The following PIAS2 variants were observed in gnomAD, a reference collection of about 807,000 sequenced individuals.
PIAS2 encodes E3 SUMO-protein ligase PIAS2.
Under a neutral mutation model 69.7 loss-of-function variants are expected in PIAS2, and 19 were observed. That is an observed-to-expected ratio of 0.27 (90% confidence interval 0.19 to 0.40). The LOEUF (loss-of-function observed/expected upper bound fraction) is 0.40, where lower values mean the gene tolerates loss of function less well. PIAS2 is among the 10% of genes least tolerant of loss of function. The pLI is 1.00. For missense variants in PIAS2, 624 were observed against 757.0 expected, an observed-to-expected ratio of 0.82 and a Z score of 2.06; for synonymous variants, 261 against 263.2, an observed-to-expected ratio of 0.99 and a Z score of 0.08.
intron 8 of PIAS2, among the ~76,000 whole-genome samples, chr18:46,842,831 C>A (rs1256317924): frequency 6.6e-6 from 1 of 152,172 alleles, no homozygotes; most frequent in East Asian, 1.9e-4. Flanking sequence ...TGGAACTGCA[C>A]ACCTCTTCCC....
rs2040880633 is a variant in PIAS2 at position 46,809,703 on chromosome 18, C to T, written c.*2730G>A. The stretch of plus-strand genomic sequence containing the variant: ...CCTGTAGGTGGAGGTTGCGGTGAGC[C>T]AAGATCGCACCATTGCACTCCATCC... On this transcript the variant is annotated 3_prime_UTR_variant, in exon 14 of 14. Coordinates refer to ENST00000585916, the MANE Select transcript of PIAS2 (RefSeq NM_004671.5). 6.8e-6 allele frequency: 1 copy of T among 146,674 alleles called. No homozygotes were observed. Among genetic ancestry groups the T allele is most frequent in the Non-Finnish European group, 1.5e-5 (1 of 67,406 alleles). 9.1% of individuals were successfully genotyped at this position (146,674 alleles called of 1,614,324 possible).
At chr18:46,902,243 A>G (rs907252309) in intron 1 of PIAS2, among the ~76,000 whole-genome samples, 2 of 123,414 alleles carry the variant, frequency 1.6e-5, no homozygotes, top group African/African-American at 3.0e-5. Flanking sequence ...CAAAACACTG[A>G]AAAAAAAAAA....
intron 5 of PIAS2, among the ~76,000 whole-genome samples, chr18:46,847,517 T>C (rs1227854693): frequency 6.6e-6 from 1 of 151,484 alleles, no homozygotes; most frequent in Non-Finnish European, 1.5e-5. Context: ...AGTCTGGCTC[T>C]GTCGCCCAGG....
chr18:46,816,975 A>C, intron 12 of PIAS2: 1 of 938,720 alleles, frequency 1.1e-6, no homozygotes, highest in East Asian at 1.2e-4. Context: ...ACAATTCAAA[A>C]TTTGTCTAGC....
intron 5 of PIAS2, among the ~76,000 whole-genome samples, chr18:46,848,363 C>G (rs1196510182): frequency 6.6e-6 from 1 of 152,134 alleles, no homozygotes; most frequent in Non-Finnish European, 1.5e-5. Context: ...AACTGAAAAG[C>G]CAGGGAGTAC....
intron 11 of PIAS2, among the ~76,000 whole-genome samples, chr18:46,821,712 T>C (rs907250912): frequency 6.6e-6 from 1 of 152,144 alleles, no homozygotes; most frequent in African/African-American, 2.4e-5. Flanking sequence ...ACCTACCAGG[T>C]AGGTGAAATC....
At chr18:46,915,434 GC>G (rs1484698467) in intron 1 of PIAS2, 2 of 152,120 alleles carry the variant, frequency 1.3e-5, no homozygotes, top group Non-Finnish European at 2.9e-5. Flanking sequence ...TACTGCATGT[GC>G]CCAGCCTGCA....
intron 1 of PIAS2, among the ~76,000 whole-genome samples, chr18:46,912,897 A>G (rs968217022): frequency 1.7e-4 from 26 of 152,322 alleles, no homozygotes; most frequent in Non-Finnish European, 3.4e-4. Flanking sequence ...AATGGAAATG[A>G]GAGAATAAAA....
At chr18:46,891,640 T>C (rs1466291277) in intron 1 of PIAS2, 4 of 939,772 alleles carry the variant, frequency 4.3e-6, no homozygotes. Context: ...AAAAATCACA[T>C]ACATCTTATT....
rs547417390 is a variant in PIAS2, at chr18:46,846,229, A to G, written c.861+478T>C. ...CTTGAAGGTATAGAGAAAATATTAT[A>G]ATTCTAAGTAAATATTTTTATACAA... On this transcript the variant is annotated intron_variant, in intron 6 of 13. Coordinates refer to ENST00000585916, the MANE Select transcript of PIAS2 (RefSeq NM_004671.5). Among the ~76,000 whole-genome samples, 7 of 152,318 alleles carry G rather than the reference A, an allele frequency of 4.6e-5. No homozygotes were observed. The South Asian group carries it at 1.2e-3, about 27-fold the overall frequency.
At chr18:46,828,947 T>C (rs1046921541) in intron 10 of PIAS2, among the ~76,000 whole-genome samples, 2 of 152,224 alleles carry the variant, frequency 1.3e-5, no homozygotes, top group African/African-American at 4.8e-5. Flanking sequence ...TCAGGTTTAG[T>C]GTCAATCGCA....
At chr18:46,842,294 A>T (rs1366752818) in intron 8 of PIAS2, among the ~76,000 whole-genome samples, 21 of 148,196 alleles carry the variant, frequency 1.4e-4, no homozygotes, top group Non-Finnish European at 4.5e-5. Flanking sequence ...AAAAAAAAAA[A>T]TTTAAAAAGC....
chr18:46,812,696 A>G, intron 13 of PIAS2, 84 bp from the exon 14 acceptor site: 3 of 752,300 alleles, frequency 4.0e-6, no homozygotes, highest in Non-Finnish European at 6.5e-6. Flanking sequence ...GATATGCACA[A>G]GCAATAGTCA....
At chr18:46,879,086 G>A (rs1163729057) in intron 2 of PIAS2, among the ~76,000 whole-genome samples, 1 of 152,132 alleles carries the variant, frequency 6.6e-6, no homozygotes, top group Non-Finnish European at 1.5e-5. Flanking sequence ...CTAAGATCCT[G>A]AGCTATCCGG....
intron 1 of PIAS2, chr18:46,916,789 GA>G (rs1270191449): frequency 3.0e-6 from 3 of 983,764 alleles, no homozygotes; most frequent in Non-Finnish European, 2.4e-6. Flanking sequence ...AAGATGTTAG[GA>G]GGCAAGGGTG....
upstream of PIAS2, among the ~76,000 whole-genome samples, chr18:46,918,202 C>G (rs79609991): frequency 6.6e-6 from 1 of 151,886 alleles, no homozygotes; most frequent in Non-Finnish European, 1.5e-5. Flanking sequence ...AGCTTGATGG[C>G]CCCCCCGTAA....
At position 46,893,407 on chromosome 18, in the gene PIAS2, A is replaced by G. The variant is rs148771643; in HGVS notation, c.25-2353T>C. 8.3e-4 allele frequency: 766 copies of G among 925,020 alleles called. 3 individuals carry two copies. In the African/African-American group the frequency reaches 0.013, roughly 15 times the overall value. 57.3% of individuals were successfully genotyped at this position (925,020 alleles called of 1,614,324 possible). On this transcript the variant is annotated intron_variant, in intron 1 of 13. Transcript: ENST00000585916. Reference sequence around the variant, plus strand: ...GGGAAGCTATTTTACAGAAATGACAAAACAAAGCACAAAGTCATCCTACCT... The same window carrying G: ...GGGAAGCTATTTTACAGAAATGACAGAACAAAGCACAAAGTCATCCTACCT...
intron 12 of PIAS2, chr18:46,817,012 T>A (rs1289595025): frequency 3.2e-6 from 3 of 929,292 alleles, no homozygotes; most frequent in Non-Finnish European, 2.6e-6. Context: ...GAGTTTTGCA[T>A]TTTCAATATT....
chr18:46,853,136 C>G (rs1364050742), intron 5 of PIAS2: 3 of 152,206 alleles, frequency 2.0e-5, no homozygotes, highest in Non-Finnish European at 4.4e-5. Context: ...AATGAGCCAG[C>G]CATAGCGGTG....
Sources: allele counts gnomAD v4.1 joint callset (sites outside exome capture counted in the v4.1 genomes callset), GRCh38; gene constraint gnomAD v4.1.1; transcripts MANE v1.5; gene names NCBI Gene and HGNC (gene_info 2026-07-23, HGNC 2026-07-21).